Variants in SUMF1 observed in about 807,000 individuals in gnomAD.
The protein encoded by SUMF1 is formylglycine-generating enzyme.
SUMF1 carries 48 observed loss-of-function variants against 47.6 expected under a neutral mutation model. That is an observed-to-expected ratio of 1.01 (90% CI 0.80 to 1.28). SUMF1 has a LOEUF of 1.28. Ranked by LOEUF, SUMF1 falls within the 50% of genes most tolerant of loss-of-function variation. SUMF1 has a pLI of 0.00. For missense variants in SUMF1, 571 were observed against 485.4 expected (o/e 1.18, Z -1.66); for synonymous variants, 230 against 192.1 (o/e 1.20, Z -1.63).
In SUMF1 at chr3:4,211,121, T is replaced by TATATATATAC. The variant is rs150373609; in HGVS notation, c.1015-142377_1015-142376insGTATATATAT. Reference sequence around the variant, plus strand: ...AAACTCCCATATATATATATATATATACACACACACACACATATATACATA... The same window carrying TATATATATAC: ...AAACTCCCATATATATATATATATATATATATATACACACACACACACACATATATACATA... On this transcript the variant is annotated intron_variant and NMD_transcript_variant, in intron 8 of 12. Transcript: ENST00000448413. Among the ~76,000 whole-genome samples the TATATATATAC allele has an allele frequency of 2.8e-4, 36 of 128,296 alleles. 2 individuals carry two copies. The highest frequency in any genetic ancestry group is 9.9e-4 in the African/African-American group (33 of 33,286). The allele number at this position is 128,296 out of a possible 152,430, so 84.2% of individuals were successfully genotyped here.
intron 8 of SUMF1, among the ~76,000 whole-genome samples, chr3:4,286,582 C>T (rs963374337): frequency 3.3e-5 from 5 of 152,094 alleles, no homozygotes; most frequent in Admixed American, 1.3e-4. Flanking sequence ...TTCATCACAC[C>T]AGCAGTCATG....
chr3:4,270,943 C>T (rs1268082054), intron 8 of SUMF1, among the ~76,000 whole-genome samples: 1 of 152,202 alleles, frequency 6.6e-6, no homozygotes, highest in Non-Finnish European at 1.5e-5. Flanking sequence ...TCAATTAGCT[C>T]TGACTGCAGT....
intron 3 of SUMF1, among the ~76,000 whole-genome samples, chr3:4,445,156 A>G (rs1363932186): frequency 6.6e-6 from 1 of 152,234 alleles, no homozygotes; most frequent in Non-Finnish European, 1.5e-5. Flanking sequence ...AGTTGTATCA[A>G]TGGTCAGCTT....
rs764130259 is a variant in SUMF1 at position 4,316,764 on chromosome 3, A to G, written c.1014+59566T>C. 7.1e-6 allele frequency: 11 copies of G among 1,550,834 alleles called. No homozygotes were observed. The East Asian group carries it at 1.7e-4, about 24-fold the overall frequency. ...AGCTCCAAAGCACTTCCCAAAGCCA[A>G]TCTTGCACCCAAAAAAGGTCATGGT... is the stretch of plus-strand genomic sequence containing the variant. On this transcript the variant is annotated intron_variant and NMD_transcript_variant, in intron 8 of 12. Coordinates refer to the SUMF1 transcript ENST00000448413.
rs917560056 is a variant in SUMF1 at position 4,046,218 on chromosome 3, A to G, written c.1191+22351T>C. 3.9e-5 allele frequency among the ~76,000 whole-genome samples: 6 copies of G among 152,238 alleles called. No individual in the cohort carries two copies. In the South Asian group the frequency reaches 1.2e-3, roughly 32 times the overall value. ...AAGTGGCTGAGTGAGGTCATGACTG[A>G]GAAGAAAGGACCCCTGGCCCAAGTC... On this transcript the variant is annotated intron_variant and NMD_transcript_variant, in intron 9 of 12. Coordinates refer to the SUMF1 transcript ENST00000448413.
intron 8 of SUMF1, among the ~76,000 whole-genome samples, chr3:4,363,780 G>A (rs1699853582): frequency 8.2e-6 from 1 of 121,516 alleles, no homozygotes; most frequent in Non-Finnish European, 1.7e-5. Context: ...AGTGGTGAGA[G>A]AGGGCATCCC....
At chr3:4,417,800 G>GC (rs1475616838) in intron 5 of SUMF1, among the ~76,000 whole-genome samples, 1 of 152,198 alleles carries the variant, frequency 6.6e-6, no homozygotes, top group Non-Finnish European at 1.5e-5. Flanking sequence ...GCTGGAGGGA[G>GC]CCCACTTGGC....
chr3:4,064,677 A>T (rs1289050831), intron 9 of SUMF1, among the ~76,000 whole-genome samples: 1 of 152,244 alleles, frequency 6.6e-6, no homozygotes. Flanking sequence ...TAACAGCCTG[A>T]TAACAGGAGA....
At chr3:4,306,584 G>A (rs1196746575) in intron 8 of SUMF1, among the ~76,000 whole-genome samples, 1 of 152,158 alleles carries the variant, frequency 6.6e-6, no homozygotes, top group Non-Finnish European at 1.5e-5. Flanking sequence ...TCCTAAGAGA[G>A]CTTATTGTCT....
In SUMF1 at chr3:4,460,764, T is replaced by C. The variant is rs527528369; in HGVS notation, c.270+6212A>G. On this transcript the variant is annotated intron_variant, in intron 1 of 8. Transcript: ENST00000272902. ...CCTTGATCGTCTGGTCTCAAGCAAC[T>C]CTCCCACCTCAGCCTCTACGCAGCT... Among the ~76,000 whole-genome samples the C allele has an allele frequency of 1.4e-4, 21 of 151,566 alleles. No homozygotes were observed. In the East Asian group the frequency reaches 3.5e-3, roughly 25 times the overall value.
chr3:4,113,024 T>C (rs1043232951), intron 8 of SUMF1, among the ~76,000 whole-genome samples: 3 of 152,132 alleles, frequency 2.0e-5, no homozygotes, highest in South Asian at 2.1e-4. Flanking sequence ...TCATCACTCA[T>C]TGAGAAAATA....
intron 8 of SUMF1, among the ~76,000 whole-genome samples, chr3:4,272,471 T>G (rs531329072): frequency 6.6e-6 from 1 of 152,272 alleles, no homozygotes; most frequent in Non-Finnish European, 1.5e-5. Context: ...CAAGGAGCTA[T>G]GACCCTGAGC....
intron 9 of SUMF1, among the ~76,000 whole-genome samples, chr3:4,041,673 A>T (rs535719986): frequency 2.0e-5 from 3 of 152,206 alleles, no homozygotes; most frequent in Admixed American, 6.5e-5. Context: ...GTGACATTCT[A>T]CAGGTAAGTT....
intron 8 of SUMF1, among the ~76,000 whole-genome samples, chr3:4,339,871 G>T (rs1178501102): frequency 3.3e-5 from 5 of 152,142 alleles, no homozygotes; most frequent in Admixed American, 2.0e-4. Flanking sequence ...CAGCCCAGGA[G>T]TTCAAGAACA....
chr3:4,214,240 T>C (rs1379744544), intron 8 of SUMF1, among the ~76,000 whole-genome samples: 3 of 152,130 alleles, frequency 2.0e-5, no homozygotes, highest in South Asian at 2.1e-4. Flanking sequence ...ACATTAGAAC[T>C]CAGGATTAAG....
Position 4,423,625 on chromosome 3 carries a change from T to C in SUMF1, c.520-3479A>G, listed in dbSNP as rs57240601. On this transcript the variant is annotated intron_variant, in intron 3 of 8. Transcript: ENST00000272902. ...GACTGAAGACAATTGGTATATTAAATAGTTTTAAAAGTATTTATTTTACAT... is the reference window on the plus strand; with the variant it reads ...GACTGAAGACAATTGGTATATTAAACAGTTTTAAAAGTATTTATTTTACAT... Among the ~76,000 whole-genome samples the C allele has an allele frequency of 2.8e-3, 421 of 152,332 alleles. 2 individuals carry two copies. Among genetic ancestry groups the C allele is most frequent in the African/African-American group, 9.8e-3 (407 of 41,570 alleles).
At chr3:4,189,284 T>C (rs1289625717) in intron 8 of SUMF1, among the ~76,000 whole-genome samples, 4 of 152,164 alleles carry the variant, frequency 2.6e-5, no homozygotes, top group Non-Finnish European at 5.9e-5. Flanking sequence ...GACTTCTGCA[T>C]TTTGCTATCA....
chr3:4,298,226 T>C (rs1273179212), intron 8 of SUMF1, among the ~76,000 whole-genome samples: 3 of 152,168 alleles, frequency 2.0e-5, no homozygotes, highest in African/African-American at 7.2e-5. Flanking sequence ...GCAGAACAAA[T>C]TCTGAAGATC....
intron 8 of SUMF1, chr3:4,313,876 C>G: frequency 2.0e-6 from 3 of 1,524,826 alleles, no homozygotes; most frequent in Non-Finnish European, 2.6e-6. Flanking sequence ...GCAGAGACTG[C>G]AAGTTGTCCA....
Sources: allele counts gnomAD v4.1 joint callset (sites outside exome capture counted in the v4.1 genomes callset), GRCh38; gene constraint gnomAD v4.1.1; transcripts MANE v1.5; gene names NCBI Gene and HGNC (gene_info 2026-07-23, HGNC 2026-07-21).